The following OSBP2 variants were observed in gnomAD, a reference collection of about 807,000 sequenced individuals.
OSBP2 encodes oxysterol-binding protein 2.
A neutral mutation model predicts 96.0 loss-of-function variants in OSBP2; 66 were observed. The ratio of observed to expected loss-of-function variants is 0.69; its 90% CI spans 0.56 to 0.84. OSBP2 has a LOEUF of 0.84. Among genes scored for constraint, OSBP2 ranks in the 40% least tolerant of loss-of-function variants. The pLI is 0.00. For missense variants in OSBP2, 1,038 were observed against 1,222.7 expected (o/e 0.85, Z 2.25); for synonymous variants, 525 against 520.9 (o/e 1.01, Z -0.11).
At chr22:30,704,919 G>A (rs2089227661) in intron 1 of OSBP2, among the ~76,000 whole-genome samples, 2 of 152,204 alleles carry the variant, frequency 1.3e-5, no homozygotes, top group East Asian at 3.9e-4. Context: ...CAGGCCTGCT[G>A]TGTGAACTCT....
intron 2 of OSBP2, among the ~76,000 whole-genome samples, chr22:30,749,182 C>T (rs1294581139): frequency 3.3e-5 from 5 of 152,028 alleles, no homozygotes; most frequent in African/African-American, 4.8e-5. Context: ...TAGTGGCAGG[C>T]TATTAGTATT....
At chr22:30,850,832 C>G (rs377062653) in intron 2 of OSBP2, among the ~76,000 whole-genome samples, 2 of 152,128 alleles carry the variant, frequency 1.3e-5, no homozygotes, top group Non-Finnish European at 2.9e-5. Context: ...ATTGGCTTGT[C>G]AATTTCAACA....
intron 2 of OSBP2, among the ~76,000 whole-genome samples, chr22:30,803,361 C>T (rs1024625752): frequency 1.3e-5 from 2 of 152,218 alleles, no homozygotes; most frequent in Non-Finnish European, 1.5e-5. Flanking sequence ...AGGGCAGGCC[C>T]CTCTGCCCTC....
chr22:30,697,048 G>A (rs935775497), intron 1 of OSBP2, among the ~76,000 whole-genome samples: 1 of 152,126 alleles, frequency 6.6e-6, no homozygotes, highest in Non-Finnish European at 1.5e-5. Context: ...ACGGTAGAGA[G>A]GGATTCTGAA....
At chr22:30,694,493 G>A, upstream of OSBP2, 1 of 1,044,222 alleles carries the variant, frequency 9.6e-7, no homozygotes, top group East Asian at 2.6e-5. Context: ...CCTGGGTTGG[G>A]GGAGGGGGCG....
intron 2 of OSBP2, among the ~76,000 whole-genome samples, chr22:30,829,612 G>A (rs571305090): frequency 1.3e-5 from 2 of 152,304 alleles, no homozygotes; most frequent in South Asian, 2.1e-4. Flanking sequence ...GAGCCACCAC[G>A]CCGGGCCCTT....
At chr22:30,862,919 G>T (rs903340433) in intron 2 of OSBP2, among the ~76,000 whole-genome samples, 1 of 151,330 alleles carries the variant, frequency 6.6e-6, no homozygotes, top group Non-Finnish European at 1.5e-5. Context: ...GTTGCAATGA[G>T]CCGAGATTTT....
chr22:30,822,823 C>T (rs576666881), intron 2 of OSBP2: 2 of 897,912 alleles, frequency 2.2e-6, no homozygotes, highest in Non-Finnish European at 3.1e-6. Flanking sequence ...GTCACTCCCT[C>T]GCGGCGTGGG....
chr22:30,694,264 A>C, upstream of OSBP2: 2 of 1,549,942 alleles, frequency 1.3e-6, no homozygotes, highest in Non-Finnish European at 1.7e-6. Flanking sequence ...ACCGTAGGCC[A>C]GCTGGCTCAG....
chr22:30,773,957 G>A (rs955554652), intron 2 of OSBP2, among the ~76,000 whole-genome samples: 3 of 152,186 alleles, frequency 2.0e-5, no homozygotes, highest in Non-Finnish European at 2.9e-5. Context: ...TGTGTGAAGC[G>A]CAGTGGGGGC....
At chr22:30,714,380 T>A (rs1040841506) in intron 1 of OSBP2, among the ~76,000 whole-genome samples, 7 of 152,048 alleles carry the variant, frequency 4.6e-5, no homozygotes, top group Non-Finnish European at 1.0e-4. Flanking sequence ...AGTGCAGATA[T>A]CTCTTCAACA....
chr22:30,775,169 C>T (rs1175029284), intron 2 of OSBP2, among the ~76,000 whole-genome samples: 2 of 152,144 alleles, frequency 1.3e-5, no homozygotes, highest in Admixed American at 6.6e-5. Context: ...CCAAAGGAAA[C>T]CCTGCACCCA....
intron 1 of OSBP2, among the ~76,000 whole-genome samples, chr22:30,714,056 C>T (rs754292111): frequency 1.3e-5 from 2 of 152,136 alleles, no homozygotes; most frequent in Non-Finnish European, 2.9e-5. Flanking sequence ...TCTCCTTCTC[C>T]CCCACTTCCC....
intron 3 of OSBP2, among the ~76,000 whole-genome samples, chr22:30,879,278 G>C (rs558537338): frequency 6.6e-6 from 1 of 152,358 alleles, no homozygotes; most frequent in South Asian, 2.1e-4. Flanking sequence ...CCAGGGCCTG[G>C]GGAGATGGGT....
In OSBP2 at chr22:30,870,460, C is replaced by T; in HGVS notation, c.885C>T (p.Thr295=). Residue 295 remains threonine (T), a synonymous_variant, in exon 3 of 14, where the codon ACC becomes ACT. Transcript: ENST00000332585. This position sits in a 1 kb window ranked among gnomAD's most constrained non-coding sequence, Gnocchi z 4.1. The part of the protein sequence containing the change: ...DDSGDDDEAT[T]PADKSELHHT... ...CTGGGGACGACGACGAGGCTACCACCCCAGCCGACAAGAGCGAGCTGCACC... is the reference window on the plus strand; with the variant it reads ...CTGGGGACGACGACGAGGCTACCACTCCAGCCGACAAGAGCGAGCTGCACC... 2 of 1,614,034 alleles carry T rather than the reference C, an allele frequency of 1.2e-6. No individual in the cohort carries two copies. Among genetic ancestry groups the T allele is most frequent in the Middle Eastern group, 1.6e-4 (1 of 6,062 alleles).
At chr22:30,725,189 C>CAAA (rs1210520889) in intron 1 of OSBP2, among the ~76,000 whole-genome samples, 1 of 74,328 alleles carries the variant, frequency 1.3e-5, no homozygotes, top group African/African-American at 5.2e-5. Flanking sequence ...AACAAAAAAA[C>CAAA]AAAAAAACAA....
intron 2 of OSBP2, among the ~76,000 whole-genome samples, chr22:30,791,722 C>T (rs760810039): frequency 6.6e-5 from 10 of 152,054 alleles, no homozygotes; most frequent in East Asian, 1.9e-4. Flanking sequence ...TTCTGCTTTG[C>T]GGATAGAGAA....
At chr22:30,872,852 C>G (rs1041204199) in intron 3 of OSBP2, among the ~76,000 whole-genome samples, 3 of 152,220 alleles carry the variant, frequency 2.0e-5, no homozygotes, top group African/African-American at 7.2e-5. Context: ...TTGCGTGGCT[C>G]TCAGACACCA....
chr22:30,797,385 C>T (rs553434966), intron 2 of OSBP2, among the ~76,000 whole-genome samples: 29 of 149,972 alleles, frequency 1.9e-4, no homozygotes, highest in Admixed American at 4.6e-4. Context: ...TGGCTTCAAG[C>T]GATTCTCCTG....
Sources: allele counts gnomAD v4.1 joint callset (sites outside exome capture counted in the v4.1 genomes callset), GRCh38; gene constraint gnomAD v4.1.1; non-coding constraint Gnocchi (gnomAD v3.1); transcripts MANE v1.5; gene names NCBI Gene and HGNC (gene_info 2026-07-23, HGNC 2026-07-21).